Variants in TBL1XR1 observed in about 807,000 individuals in gnomAD.
TBL1XR1 encodes the protein F-box-like/WD repeat-containing protein TBL1XR1.
Under a neutral mutation model 66.9 loss-of-function variants are expected in TBL1XR1, and 5 were observed. That is an observed-to-expected ratio of 0.07 (90% CI 0.04 to 0.16). TBL1XR1 has a LOEUF of 0.16. Among genes scored for constraint, TBL1XR1 ranks in the 10% least tolerant of loss-of-function variants. The pLI is 1.00. For synonymous variants in TBL1XR1, 210 were observed against 206.0 expected (o/e 1.02, Z -0.17); for missense variants, 238 against 623.2 (o/e 0.38, Z 6.58).
chr3:177,044,682 T>C (rs1195561106), intron 10 of TBL1XR1, among the ~76,000 whole-genome samples: 1 of 152,132 alleles, frequency 6.6e-6, no homozygotes, highest in Admixed American at 6.6e-5. Context: ...AATAAAATTG[T>C]CTTAAAAACA....
At chr3:177,152,952 C>G (rs1463232985) in intron 1 of TBL1XR1, among the ~76,000 whole-genome samples, 1 of 151,970 alleles carries the variant, frequency 6.6e-6, no homozygotes. Flanking sequence ...AACAGCCTGA[C>G]GAACATGGTG....
At chr3:177,094,795 T>C (rs1374242446) in intron 2 of TBL1XR1, among the ~76,000 whole-genome samples, 2 of 151,686 alleles carry the variant, frequency 1.3e-5, no homozygotes, top group South Asian at 4.2e-4. Context: ...CATAAGAATA[T>C]ACAATGGACC....
chr3:177,056,009 T>C (rs562664271), intron 3 of TBL1XR1, among the ~76,000 whole-genome samples: 2 of 152,306 alleles, frequency 1.3e-5, no homozygotes, highest in East Asian at 3.9e-4. Flanking sequence ...ACAGTTAAAA[T>C]ATGGTCAAGG....
chr3:177,188,766 C>T (rs1300735936), intron 1 of TBL1XR1, among the ~76,000 whole-genome samples: 1 of 152,202 alleles, frequency 6.6e-6, no homozygotes, highest in East Asian at 1.9e-4. Context: ...TCTATGTTTA[C>T]CAAAATGTAT....
chr3:177,047,158 G>GACCT (rs1716437628), intron 9 of TBL1XR1, 142 bp downstream of exon 9: 1 of 656,402 alleles, frequency 1.5e-6, no homozygotes, highest in Non-Finnish European at 2.6e-6. Flanking sequence ...TGAGCTGATA[G>GACCT]ACCTAAGGAG....
chr3:177,085,396 A>C (rs1420184160), intron 2 of TBL1XR1, among the ~76,000 whole-genome samples: 1 of 152,236 alleles, frequency 6.6e-6, no homozygotes, highest in Non-Finnish European at 1.5e-5. Flanking sequence ...TGAGCCTATC[A>C]ATGTTAATTG....
chr3:177,178,229 T>C (rs114296090), intron 1 of TBL1XR1, among the ~76,000 whole-genome samples: 1 of 152,128 alleles, frequency 6.6e-6, no homozygotes, highest in Non-Finnish European at 1.5e-5. Context: ...GGGACCCTCA[T>C]AGGCTAAGAT....
chr3:177,178,821 TA>T (rs1734458477), intron 1 of TBL1XR1, among the ~76,000 whole-genome samples: 1 of 152,004 alleles, frequency 6.6e-6, no homozygotes, highest in Non-Finnish European at 1.5e-5. Flanking sequence ...TCTTTTCTTT[TA>T]TAACCTGATT....
chr3:177,131,708 G>A (rs1728314558), intron 1 of TBL1XR1, among the ~76,000 whole-genome samples: 2 of 151,850 alleles, frequency 1.3e-5, no homozygotes, highest in African/African-American at 2.4e-5. Context: ...CACCATGTTG[G>A]CCAGGCTGGT....
chr3:177,137,942 A>T (rs1319023845), intron 1 of TBL1XR1, among the ~76,000 whole-genome samples: 1 of 152,216 alleles, frequency 6.6e-6, no homozygotes, highest in African/African-American at 2.4e-5. Flanking sequence ...TGTACTCCAA[A>T]CTGCATGACA....
intron 2 of TBL1XR1, among the ~76,000 whole-genome samples, chr3:177,083,067 C>A (rs553928523): frequency 3.3e-5 from 5 of 152,048 alleles, no homozygotes; most frequent in African/African-American, 1.2e-4. Context: ...GCTAATAATT[C>A]CACAATAAAA....
At chr3:177,138,611 G>A (rs1368919017) in intron 1 of TBL1XR1, among the ~76,000 whole-genome samples, 2 of 63,096 alleles carry the variant, frequency 3.2e-5, no homozygotes, top group Non-Finnish European at 8.8e-5. Flanking sequence ...AAAAGGGAGA[G>A]GGGGAAAGTG....
chr3:177,196,172 G>A (rs1736821648), intron 1 of TBL1XR1, among the ~76,000 whole-genome samples: 1 of 152,110 alleles, frequency 6.6e-6, no homozygotes, highest in Non-Finnish European at 1.5e-5. Flanking sequence ...ACACATGCAT[G>A]GCTTCCCTCG....
chr3:177,030,131 T>TAGAG (rs72403499), intron 14 of TBL1XR1, among the ~76,000 whole-genome samples: 9 of 149,388 alleles, frequency 6.0e-5, no homozygotes, highest in African/African-American at 1.7e-4. Context: ...TATATATATA[T>TAGAG]AGAGAGAGAG....
upstream of TBL1XR1, among the ~76,000 whole-genome samples, chr3:177,198,553 G>T (rs1362514292): frequency 6.6e-6 from 1 of 152,096 alleles, no homozygotes; most frequent in Non-Finnish European, 1.5e-5. Flanking sequence ...AAGAAGGGAG[G>T]CACCTCACAG....
At chr3:177,042,307 C>T (rs1715694997) in intron 10 of TBL1XR1, among the ~76,000 whole-genome samples, 1 of 152,108 alleles carries the variant, frequency 6.6e-6, no homozygotes, top group Non-Finnish European at 1.5e-5. Flanking sequence ...GTGTTATTCA[C>T]AAGGCCAAAT....
intron 1 of TBL1XR1, among the ~76,000 whole-genome samples, chr3:177,166,541 C>A (rs904278342): frequency 6.6e-6 from 1 of 152,104 alleles, no homozygotes; most frequent in Non-Finnish European, 1.5e-5. Flanking sequence ...ATAGTGAGTT[C>A]TCTGATGGTT....
intron 1 of TBL1XR1, among the ~76,000 whole-genome samples, chr3:177,104,831 CAAAAAT>C (rs1317257973): frequency 6.6e-6 from 1 of 152,088 alleles, no homozygotes; most frequent in African/African-American, 2.4e-5. Flanking sequence ...TAAGATTATA[CAAAAAT>C]AAACTATTGT....
At chr3:177,177,200 C>T (rs934484282) in intron 1 of TBL1XR1, among the ~76,000 whole-genome samples, 9 of 152,136 alleles carry the variant, frequency 5.9e-5, no homozygotes, top group African/African-American at 1.2e-4. Context: ...AGTTCTGACC[C>T]ATGCACTTTG....
Sources: gnomAD v4.1 joint callset for allele counts (sites outside exome capture counted in the v4.1 genomes callset) on GRCh38, gnomAD v4.1.1 for gene constraint, MANE v1.5 for transcripts, NCBI Gene and HGNC (gene_info 2026-07-23, HGNC 2026-07-21) for gene names.